The following DAAM2 variants were observed in gnomAD, a reference collection of about 807,000 sequenced individuals.
The protein encoded by DAAM2 is disheveled-associated activator of morphogenesis 2.
A neutral mutation model predicts 120.7 loss-of-function variants in DAAM2; 39 were observed. The observed-to-expected ratio is 0.32, with a 90% CI of 0.25 to 0.42. The LOEUF is 0.42. Ranked by LOEUF, DAAM2 falls within the 10% of genes least tolerant of loss-of-function variation. DAAM2 has a pLI of 1.00. For missense variants in DAAM2, 1,283 were observed against 1,401.7 expected, an observed-to-expected ratio of 0.92 and a Z score of 1.35; for synonymous variants, 488 against 524.9, an observed-to-expected ratio of 0.93 and a Z score of 0.96.
rs201456339 is a variant in DAAM2 at position 39,896,193 on chromosome 6, C to CT, written c.2342-612dup. 6.6e-4 allele frequency among the ~76,000 whole-genome samples: 61 copies of CT among 91,960 alleles called. No individual in the cohort carries two copies. The East Asian group carries it at 0.012, about 18-fold the overall frequency. 60.3% of individuals were successfully genotyped at this position (91,960 alleles called of 152,430 possible). ...TTCATGGAAAGAATATCTGAATAAT[C>CT]TTTTTTTCTTTTTTCTTTTTTCTTT... On this transcript the variant is annotated intron_variant, in intron 19 of 24. Transcript: ENST00000274867.
At chr6:39,818,627 G>A (rs545294830) in intron 1 of DAAM2, 11 of 152,150 alleles carry the variant, frequency 7.2e-5, no homozygotes, top group African/African-American at 1.7e-4. Flanking sequence ...ACATCGTCCT[G>A]TTATTCTTCT....
At chr6:39,809,843 G>A (rs1225804406) in intron 1 of DAAM2, among the ~76,000 whole-genome samples, 1 of 152,116 alleles carries the variant, frequency 6.6e-6, no homozygotes, top group African/African-American at 2.4e-5. Flanking sequence ...TGTCAACTGG[G>A]GTTCTTTATT....
Position 39,855,831 on chromosome 6 carries a change from G to C in DAAM2, c.-56-416G>C, listed in dbSNP as rs547988237. On this transcript the variant is annotated intron_variant, in intron 1 of 24. Coordinates refer to ENST00000274867, the MANE Select transcript of DAAM2 (RefSeq NM_001201427.2). ...CTTTAAATCAGTTATCCCCAGACCC[G>C]GAAATGAATCAAGTGAGTAAGTGAG... is the stretch of plus-strand genomic sequence containing the variant. 2.0e-4 allele frequency among the ~76,000 whole-genome samples: 30 copies of C among 152,232 alleles called. 1 individual carries two copies. The South Asian group carries it at 5.0e-3, about 25-fold the overall frequency.
In DAAM2 at chr6:39,870,413, T is replaced by G; in HGVS notation, c.947T>G (p.Leu316Arg). The G allele has an allele frequency of 6.3e-7, 1 of 1,583,784 alleles. No homozygotes were observed. The highest frequency in any genetic ancestry group is 1.3e-5 in the African/African-American group (1 of 74,534). Residue 316 changes from leucine (L) to arginine (R), a missense_variant, in exon 8 of 25, where the codon CTC becomes CGC. Physicochemically the swap from Leu to Arg is moderately radical, Grantham distance 102 (BLOSUM62 -2). This residue lies in a region of DAAM2 where 338 missense variants were observed against 443.9 expected (regional missense o/e 0.76). Coordinates refer to ENST00000274867, the MANE Select transcript of DAAM2 (RefSeq NM_001201427.2). ...MLGIQPVIDK[L>R]RQHENAILDK... ...GGTATACAGCCTGTGATTGACAAGC[T>G]CCGGCAACATGAAAATGCCATCCTG...
At chr6:39,869,207 TG>T (rs770516381) in intron 7 of DAAM2, among the ~76,000 whole-genome samples, 36 of 152,094 alleles carry the variant, frequency 2.4e-4, no homozygotes, top group Non-Finnish European at 4.1e-4. Flanking sequence ...TCTCGTTGGC[TG>T]GTCATGTTCT....
chr6:39,856,612 C>T, intron 2 of DAAM2, 142 bp downstream of exon 2: 2 of 580,092 alleles, frequency 3.4e-6, no homozygotes, highest in East Asian at 7.0e-5. Flanking sequence ...CCCAGGACAC[C>T]TCAGCTATGT....
intron 16 of DAAM2, chr6:39,888,405 T>C (rs1765501568): frequency 7.4e-6 from 2 of 271,174 alleles, no homozygotes; most frequent in African/African-American, 2.1e-5. Context: ...ATTGAAGACA[T>C]CTCTTTTACT....
At chr6:39,860,520 T>A (rs9471193) in intron 2 of DAAM2, among the ~76,000 whole-genome samples, 1 of 152,206 alleles carries the variant, frequency 6.6e-6, no homozygotes, top group Non-Finnish European at 1.5e-5. Context: ...GACAATTCCC[T>A]TCTTTGTTAG....
At position 39,808,613 on chromosome 6, in the gene DAAM2, G is replaced by A. The variant is rs145974375; in HGVS notation, c.-57+16148G>A. Reference sequence around the variant, plus strand: ...TCTGGTGTCTTATTGAAGTGCAGTCGATTCAGCTCTTTCATGTCCCTTACT... The same window carrying A: ...TCTGGTGTCTTATTGAAGTGCAGTCAATTCAGCTCTTTCATGTCCCTTACT... On this transcript the variant is annotated intron_variant, in intron 1 of 24. Coordinates refer to ENST00000274867, the MANE Select transcript of DAAM2 (RefSeq NM_001201427.2). Among the ~76,000 whole-genome samples the A allele has an allele frequency of 5.9e-4, 90 of 152,314 alleles. No individual in the cohort carries two copies. In the East Asian group the frequency reaches 0.016, roughly 28 times the overall value.
chr6:39,883,879 A>T (rs1192568703), intron 14 of DAAM2, 83 bp from the exon 15 acceptor site: 14 of 848,134 alleles, frequency 1.7e-5, no homozygotes, highest in Non-Finnish European at 2.8e-5. Context: ...CAGTTGGGAG[A>T]TAAGTGGGGT....
intron 2 of DAAM2, among the ~76,000 whole-genome samples, chr6:39,858,138 G>T (rs1322013283): frequency 3.3e-5 from 5 of 152,088 alleles, no homozygotes; most frequent in Non-Finnish European, 7.3e-5. Context: ...TCAGAAAGGA[G>T]CTGGGTCCTT....
At chr6:39,883,083 A>T (rs1765203554) in intron 14 of DAAM2, among the ~76,000 whole-genome samples, 1 of 151,988 alleles carries the variant, frequency 6.6e-6, no homozygotes, top group African/African-American at 2.4e-5. Context: ...AAAGCTCTAG[A>T]TGAGGTGGGG....
rs765098316 is a variant in DAAM2 at position 39,901,930 on chromosome 6, G to A, written c.3100G>A (p.Glu1034Lys). Residue 1034 changes from glutamate (E) to lysine (K), a missense_variant, in exon 25 of 25, where the codon GAG becomes AAG. By Grantham distance (56) the Glu-to-Lys change is moderately conservative. Around this residue, in one of 3 missense-constraint regions of DAAM2, gnomAD observed 748 missense variants for 768.6 expected, o/e 0.97. Transcript: ENST00000274867. The surrounding 1 kb of genome is among the most constrained non-coding windows in gnomAD (Gnocchi z 4.5). The stretch of plus-strand genomic sequence containing the variant: ...CCTGGTGTCGGCCCTGCGCTCTGGG[G>A]AGGTCTTCGACAAGGACTTATGCAA... Reference protein sequence around the residue: ...DDLVSALRSGEVFDKDLCKLK... With the variant: ...DDLVSALRSGKVFDKDLCKLK... 1 of 1,611,654 alleles carries A rather than the reference G, an allele frequency of 6.2e-7. No homozygotes were observed. Among genetic ancestry groups the A allele is most frequent in the Non-Finnish European group, 8.5e-7 (1 of 1,178,144 alleles).
intron 1 of DAAM2, among the ~76,000 whole-genome samples, chr6:39,808,026 T>C (rs1221684827): frequency 2.6e-5 from 4 of 151,748 alleles, no homozygotes; most frequent in Admixed American, 2.0e-4. Flanking sequence ...AATAGGCTCT[T>C]CTCCAAACAT....
intron 14 of DAAM2, among the ~76,000 whole-genome samples, chr6:39,880,402 C>T (rs73430543): frequency 0.05 from 7,588 of 152,174 alleles, 390 homozygotes; most frequent in East Asian, 0.21. Context: ...AGCTATCTGC[C>T]AGGGGTCTTC....
chr6:39,892,004 A>G (rs1472988231), intron 19 of DAAM2, among the ~76,000 whole-genome samples: 1 of 152,196 alleles, frequency 6.6e-6, no homozygotes, highest in Admixed American at 6.5e-5. Context: ...ATGGGATGGA[A>G]AGGTAGAAAA....
intron 1 of DAAM2, among the ~76,000 whole-genome samples, chr6:39,799,543 G>C (rs1561991496): frequency 6.6e-6 from 1 of 152,138 alleles, no homozygotes; most frequent in Non-Finnish European, 1.5e-5. Context: ...GATGGTGAAG[G>C]GGAGGGCACA....
intron 1 of DAAM2, among the ~76,000 whole-genome samples, chr6:39,805,559 T>TTA (rs1210072753): frequency 4.2e-4 from 29 of 69,608 alleles, no homozygotes; most frequent in African/African-American, 1.1e-3. Flanking sequence ...CTAAGGTTAT[T>TTA]TTTTTTTTTT....
intron 3 of DAAM2, among the ~76,000 whole-genome samples, chr6:39,864,094 G>T (rs141913788): frequency 0.011 from 1,683 of 152,262 alleles, 15 homozygotes; most frequent in Middle Eastern, 0.024. Flanking sequence ...ATCTGAATTA[G>T]ATTCAACAGC....
Sources: allele counts gnomAD v4.1 joint callset (sites outside exome capture counted in the v4.1 genomes callset), GRCh38; gene constraint gnomAD v4.1.1; regional missense constraint gnomAD v4.1.1; non-coding constraint Gnocchi (gnomAD v3.1); transcripts MANE v1.5; gene names NCBI Gene and HGNC (gene_info 2026-07-23, HGNC 2026-07-21).